CHP2: variants seen among roughly 807,000 people sequenced by gnomAD.
CHP2 encodes the protein calcineurin B homologous protein 2.
A neutral mutation model predicts 24.7 loss-of-function variants in CHP2; 31 were observed. The ratio of observed to expected loss-of-function variants is 1.26; its 90% CI spans 0.94 to 1.69. The LOEUF (loss-of-function observed/expected upper bound fraction) is 1.69, where lower values mean the gene tolerates loss of function less well. Among genes scored for constraint, CHP2 ranks in the 40% most tolerant of loss-of-function variants. The pLI, the probability that CHP2 is intolerant of heterozygous loss-of-function variation, is 0.00. For missense variants in CHP2, 319 were observed against 261.5 expected (o/e 1.22, Z -1.52); for synonymous variants, 97 against 99.1 (o/e 0.98, Z 0.13).
Position 23,755,335 on chromosome 16 carries a change from C to G in CHP2, c.67+219C>G, listed in dbSNP as rs1028073438. The G allele has an allele frequency of 5.1e-6, 3 of 593,606 alleles. No individual in the cohort carries two copies. The African/African-American group carries it at 5.6e-5, about 11-fold the overall frequency. The allele number at this position is 593,606 out of a possible 1,614,324, so 36.8% of individuals were successfully genotyped here. On this transcript the variant is annotated intron_variant, in intron 1 of 6. Coordinates refer to ENST00000300113, the MANE Select transcript of CHP2 (RefSeq NM_022097.4). Reference sequence around the variant, plus strand: ...CAAGTCTGGGGAGGATCCGGGTTCACGGGGTCGGAGTCCAGAGGAATCCAG... The same window carrying G: ...CAAGTCTGGGGAGGATCCGGGTTCAGGGGGTCGGAGTCCAGAGGAATCCAG...
chr16:23,757,446 A>G, intron 6 of CHP2, 84 bp from the exon 7 acceptor site: 2 of 1,580,186 alleles, frequency 1.3e-6, no homozygotes, highest in Non-Finnish European at 1.7e-6. Flanking sequence ...GGGTCTCTGG[A>G]ATGGGTAGAA....
At position 23,757,642 on chromosome 16, in the gene CHP2, GC is replaced by G; in HGVS notation, c.*64del. The G allele has an allele frequency of 6.8e-7, 1 of 1,462,024 alleles. No homozygotes were observed. The highest frequency in any genetic ancestry group is 9.6e-7 in the Non-Finnish European group (1 of 1,041,338). 90.6% of individuals were successfully genotyped at this position (1,462,024 alleles called of 1,614,324 possible). The stretch of plus-strand genomic sequence containing the variant: ...AGTATCTCCTTGGAATTCATCCAAA[GC>G]CCCCATGGACGCATGGACGCAGGGC... On this transcript the variant is annotated 3_prime_UTR_variant, in exon 7 of 7. Transcript: ENST00000300113.
rs1348437828 is a variant in CHP2 at position 23,756,171 on chromosome 16, C to T, written c.330C>T (p.Asn110=). Residue 110 remains asparagine, a synonymous_variant, in exon 4 of 7, where the codon AAC becomes AAT. Coordinates refer to ENST00000300113, the MANE Select transcript of CHP2 (RefSeq NM_022097.4). ...ACCCCAAGAAACCTGAACCTCTCAA[C>T]AGCAGAAGGAACAAACTTCACTGTG... is the stretch of plus-strand genomic sequence containing the variant. ...TQDPKKPEPL[N]SRRNKLHYAF... 10 of 1,613,966 alleles carry T rather than the reference C, an allele frequency of 6.2e-6. No individual in the cohort carries two copies. Among genetic ancestry groups the T allele is most frequent in the African/African-American group, 2.7e-5 (2 of 74,910 alleles).
rs1372847072 is a variant in CHP2 at position 23,757,291 on chromosome 16, G to C, written c.505G>C (p.Asp169His). The C allele has an allele frequency of 1.2e-6, 2 of 1,613,864 alleles. No individual in the cohort carries two copies. Among genetic ancestry groups the C allele is most frequent in the Middle Eastern group, 1.7e-4 (1 of 6,060 alleles). The change falls in exon 6 of 7, where the codon GAT becomes CAT. Residue 169 changes from aspartate to histidine, a missense_variant. Physicochemically the swap from Asp to His is moderately conservative, Grantham distance 81 (BLOSUM62 -1). Transcript: ENST00000300113. ...RTVQEADEDGDGAVSFVEFTK... is the reference protein window; with the variant it reads ...RTVQEADEDGHGAVSFVEFTK... ...GGTGCAGGAGGCTGATGAAGATGGG[G>C]ATGGGGCTGTGTCCTTCGTGGAGTT...
intron 5 of CHP2, 115 bp from the exon 6 acceptor site, chr16:23,757,086 G>A (rs1567268319): frequency 8.1e-7 from 1 of 1,232,808 alleles, no homozygotes; most frequent in Non-Finnish European, 1.2e-6. Flanking sequence ...AATGGATGAA[G>A]GATGGATTAT....
Position 23,755,855 on chromosome 16 carries a change from A to C in CHP2, c.149A>C (p.Asp50Ala), listed in dbSNP as rs1961215742. 6.2e-7 allele frequency: 1 copy of C among 1,613,990 alleles called. No individual in the cohort carries two copies. Reference sequence around the variant, plus strand: ...GAAATTTGGCTTTGCAGCCGCATGGATCTCCAGCAGATAGGGGCGCTCGCC... The same window carrying C: ...GAAATTTGGCTTTGCAGCCGCATGGCTCTCCAGCAGATAGGGGCGCTCGCC... ...RNKKGYLSRM[D>A]LQQIGALAVN... The change falls in exon 3 of 7, where the codon GAT becomes GCT. Residue 50 changes from aspartate (D) to alanine (A), a missense_variant. By Grantham distance (126) the Asp-to-Ala change is moderately radical (BLOSUM62 -2). Coordinates refer to ENST00000300113, the MANE Select transcript of CHP2 (RefSeq NM_022097.4).
At position 23,758,121 on chromosome 16, in the gene CHP2, A is replaced by T. The variant is rs997729550; in HGVS notation, c.*538A>T. On this transcript the variant is annotated 3_prime_UTR_variant, in exon 7 of 7. Coordinates refer to ENST00000300113, the MANE Select transcript of CHP2 (RefSeq NM_022097.4). ...TGACAGGAGGCAGAGCTCAGGCGGT[A>T]ATGCAAGCAATGGGGAGTGGCTGTA... The T allele has an allele frequency of 1.7e-5, 3 of 171,948 alleles. No homozygotes were observed. The highest frequency in any genetic ancestry group is 3.8e-5 in the Non-Finnish European group (3 of 79,650). 10.7% of individuals were successfully genotyped at this position (171,948 alleles called of 1,614,324 possible). A position where few individuals can be genotyped will look rare whatever the true frequency, so the allele number is the denominator to read the frequency against.
intron 5 of CHP2, 74 bp downstream of exon 5, chr16:23,756,523 G>A: frequency 7.5e-7 from 1 of 1,327,998 alleles, no homozygotes; most frequent in South Asian, 1.2e-5. Flanking sequence ...GTGAGAGATG[G>A]GGTGGGATGA....
chr16:23,758,324 G>T lies in CHP2; in HGVS notation c.*741G>T, dbSNP rs1488534175. On this transcript the variant is annotated 3_prime_UTR_variant, in exon 7 of 7. Coordinates refer to ENST00000300113, the MANE Select transcript of CHP2 (RefSeq NM_022097.4). ...AACTCAAAGTGACTTAAGTCAGAAA[G>T]AAATTTTATGAATTCAGGTAATTAA... 1 of 152,212 alleles carries T rather than the reference G, an allele frequency of 6.6e-6. No homozygotes were observed. The highest frequency in any genetic ancestry group is 1.5e-5 in the Non-Finnish European group (1 of 68,062). 9.4% of individuals were successfully genotyped at this position (152,212 alleles called of 1,614,324 possible).
intron 2 of CHP2, 54 bp downstream of exon 2, chr16:23,755,787 C>T (rs574050951): frequency 5.0e-6 from 8 of 1,612,738 alleles, no homozygotes; most frequent in South Asian, 1.1e-5. Flanking sequence ...GACTCCATGT[C>T]CCTCTTTGAC....
rs1367454146 is a variant in CHP2 at position 23,757,687 on chromosome 16, C to T, written c.*104C>T. The T allele has an allele frequency of 1.6e-5, 16 of 1,026,804 alleles. No individual in the cohort carries two copies. Among genetic ancestry groups the T allele is most frequent in the African/African-American group, 1.1e-4 (7 of 63,448 alleles). The allele number at this position is 1,026,804 out of a possible 1,614,324, so 63.6% of individuals were successfully genotyped here. A position where few individuals can be genotyped will look rare whatever the true frequency, so the allele number is the denominator to read the frequency against. On this transcript the variant is annotated 3_prime_UTR_variant, in exon 7 of 7. Transcript: ENST00000300113. ...GCAGGGCGACAATAAACTGTATTTTCGTTTCTAACTCTATTTAGGGCCAAG... is the reference window on the plus strand; with the variant it reads ...GCAGGGCGACAATAAACTGTATTTTTGTTTCTAACTCTATTTAGGGCCAAG...
intron 5 of CHP2, among the ~76,000 whole-genome samples, chr16:23,756,838 C>T (rs1961232174): frequency 6.6e-6 from 1 of 152,026 alleles, no homozygotes; most frequent in African/African-American, 2.4e-5. Context: ...AGTTACCTGG[C>T]TCCAAATGTC....
chr16:23,756,401 C>G lies in CHP2; in HGVS notation c.366C>G (p.Leu122=). ...CCCTCTCCCCAGATGCATTTCAGCT[C>G]TATGACCTGGATCGCGATGGGAAGA... ...RRNKLHYAFQ[L]YDLDRDGKIS... is the part of the protein sequence containing the mutation. Residue 122 remains leucine, a synonymous_variant, in exon 5 of 7, where the codon CTC becomes CTG. Coordinates refer to ENST00000300113, the MANE Select transcript of CHP2 (RefSeq NM_022097.4). 1.9e-6 allele frequency: 3 copies of G among 1,613,914 alleles called. No homozygotes were observed. Among genetic ancestry groups the G allele is most frequent in the Non-Finnish European group, 2.5e-6 (3 of 1,179,904 alleles).
At position 23,758,648 on chromosome 16, in the gene CHP2, G is replaced by A. The variant is rs1961259249; in HGVS notation, c.*1065G>A. 1 of 152,266 alleles carries A rather than the reference G, an allele frequency of 6.6e-6. No homozygotes were observed. 9.4% of individuals were successfully genotyped at this position (152,266 alleles called of 1,614,324 possible). ...GGGAATGAAACACTCTGAGTGGCCA[G>A]GCCTGTGTCATGTGCTAATTCCTAG... is the stretch of plus-strand genomic sequence containing the variant. On this transcript the variant is annotated 3_prime_UTR_variant, in exon 7 of 7. Coordinates refer to ENST00000300113, the MANE Select transcript of CHP2 (RefSeq NM_022097.4).
chr16:23,755,927 G>A lies in CHP2; in HGVS notation c.221G>A (p.Gly74Glu), dbSNP rs763717214. 37 of 1,614,078 alleles carry A rather than the reference G, an allele frequency of 2.3e-5. No individual in the cohort carries two copies. The highest frequency in any genetic ancestry group is 2.9e-5 in the Non-Finnish European group (34 of 1,180,044). The change falls in exon 3 of 7, where the codon GGG becomes GAG. Residue 74 changes from glycine to glutamate, a missense_variant and splice_region_variant. Physicochemically the swap from Gly to Glu is moderately conservative, Grantham distance 98. Transcript: ENST00000300113. ...ATTATAGAAAGCTTCTTCCCCGATGGGTGAGGCTTGCTGGGCGTGGGGAGG... is the reference window on the plus strand; with the variant it reads ...ATTATAGAAAGCTTCTTCCCCGATGAGTGAGGCTTGCTGGGCGTGGGGAGG... ...DRIIESFFPD[G>E]SQRVDFPGFV...
rs141301413 is a variant in CHP2, at chr16:23,757,254, C to T, written c.468C>T (p.Ile156=). 2.0e-5 allele frequency: 32 copies of T among 1,613,958 alleles called. No homozygotes were observed. Among genetic ancestry groups the T allele is most frequent in the African/African-American group, 6.7e-5 (5 of 74,986 alleles). The change falls in exon 6 of 7, where the codon ATC becomes ATT. Residue 156 remains isoleucine, a synonymous_variant. Coordinates refer to ENST00000300113, the MANE Select transcript of CHP2 (RefSeq NM_022097.4). ...VQVTEEQLEN[I]ADRTVQEADE... The stretch of plus-strand genomic sequence containing the variant: ...TGACAGAAGAGCAGCTGGAGAACAT[C>T]GCTGACCGCACGGTGCAGGAGGCTG...
intron 6 of CHP2, 47 bp from the exon 7 acceptor site, chr16:23,757,483 G>C: frequency 6.2e-7 from 1 of 1,600,866 alleles, no homozygotes; most frequent in Admixed American, 1.7e-5. Flanking sequence ...TGGGAGCATG[G>C]AGAGCTGAGA....
rs755849123 is a variant in CHP2, at chr16:23,757,579, A to C, written c.587A>C (p.Lys196Thr). 7.4e-6 allele frequency: 12 copies of C among 1,613,894 alleles called. No homozygotes were observed. In the African/African-American group the frequency reaches 1.5e-4, roughly 20 times the overall value. Reference protein sequence around the residue: ...VEQKMSIRILK With the variant: ...VEQKMSIRILT ...CAAAAAATGAGCATCCGGATCCTGA[A>C]GTGACTCCGTTTGTGCCTTGGGCTT... Residue 196 changes from lysine (K) to threonine (T), a missense_variant, in exon 7 of 7, where the codon AAG becomes ACG. Coordinates refer to ENST00000300113, the MANE Select transcript of CHP2 (RefSeq NM_022097.4).
At position 23,757,342 on chromosome 16, in the gene CHP2, A is replaced by T. The variant is rs1321813510; in HGVS notation, c.537+19A>T. 1.2e-6 allele frequency: 2 copies of T among 1,603,130 alleles called. No individual in the cohort carries two copies. Among genetic ancestry groups the T allele is most frequent in the African/African-American group, 2.7e-5 (2 of 74,506 alleles). On this transcript the variant is annotated intron_variant, in intron 6 of 6. Transcript: ENST00000300113. ...CACCAAGGTCAGAGTGCCCTTGGGG[A>T]TTGGGGAGTTGAGATCAGGAGTTCT...
Sources: allele counts gnomAD v4.1 joint callset (sites outside exome capture counted in the v4.1 genomes callset), GRCh38; gene constraint gnomAD v4.1.1; transcripts MANE v1.5; gene names NCBI Gene and HGNC (gene_info 2026-07-23, HGNC 2026-07-21).